The following ENTREP2 variants were observed in gnomAD, a reference collection of about 807,000 sequenced individuals.
ENTREP2 encodes protein ENTREP2.
At chr15:29,132,746 G>C in the ENTREP2 span, among the ~76,000 whole-genome samples, 7 of 152,218 alleles carry the variant, frequency 4.6e-5, no homozygotes, top group Non-Finnish European at 1.0e-4. Flanking sequence ...TGTGAGGTCA[G>C]ACATTGAATG....
At chr15:29,381,856 G>A in the ENTREP2 span, 3,065 of 1,550,694 alleles carry the variant, frequency 2.0e-3, 52 homozygotes, top group African/African-American at 0.038. Context: ...GATACAGGAA[G>A]GTGAGATGCT....
the ENTREP2 span, among the ~76,000 whole-genome samples, chr15:29,474,822 G>T: frequency 6.6e-6 from 1 of 152,146 alleles, no homozygotes; most frequent in Admixed American, 6.5e-5. Context: ...CTCCCGAAGT[G>T]CTGGGATTAC....
At chr15:29,221,664 T>C in the ENTREP2 span, among the ~76,000 whole-genome samples, 3 of 142,726 alleles carry the variant, frequency 2.1e-5, no homozygotes, top group Non-Finnish European at 4.9e-5. Context: ...TCTGAGGCTC[T>C]TCTGTTAATA....
At chr15:29,504,927 G>A in the ENTREP2 span, among the ~76,000 whole-genome samples, 7,275 of 152,282 alleles carry the variant, frequency 0.048, 546 homozygotes, top group African/African-American at 0.16. Context: ...AAGCAGGTCT[G>A]TTCTCATAAG....
chr15:29,474,854 G>A, the ENTREP2 span, among the ~76,000 whole-genome samples: 1 of 152,124 alleles, frequency 6.6e-6, no homozygotes, highest in South Asian at 2.1e-4. Flanking sequence ...ACCGCACCCG[G>A]CCAAGGTCAT....
At chr15:29,235,507 G>T in the ENTREP2 span, among the ~76,000 whole-genome samples, 1 of 151,202 alleles carries the variant, frequency 6.6e-6, no homozygotes, top group South Asian at 2.1e-4. Context: ...CAAAGAGAAA[G>T]CCTCAAAGAA....
the ENTREP2 span, among the ~76,000 whole-genome samples, chr15:29,446,269 G>A: frequency 1.6e-4 from 25 of 152,118 alleles, no homozygotes; most frequent in African/African-American, 2.9e-4. Flanking sequence ...AACCCCACAC[G>A]GACTAAGACA....
the ENTREP2 span, among the ~76,000 whole-genome samples, chr15:29,135,011 A>G: frequency 6.6e-6 from 1 of 151,964 alleles, no homozygotes; most frequent in Admixed American, 6.6e-5. The surrounding 1 kb of genome is among the most constrained non-coding windows in gnomAD (Gnocchi z 7.4). Context: ...GGCTGCTGAG[A>G]AGCCCAAAGC....
the ENTREP2 span, among the ~76,000 whole-genome samples, chr15:29,236,190 C>A: frequency 6.6e-6 from 1 of 152,090 alleles, no homozygotes; most frequent in Non-Finnish European, 1.5e-5. Context: ...AATATAACTA[C>A]AGACCCTGCA....
At chr15:29,339,205 C>T in the ENTREP2 span, among the ~76,000 whole-genome samples, 1 of 152,256 alleles carries the variant, frequency 6.6e-6, no homozygotes, top group Non-Finnish European at 1.5e-5. Context: ...CCCACCCCTC[C>T]ATTCGGCTTT....
the ENTREP2 span, among the ~76,000 whole-genome samples, chr15:29,572,625 AAC>A: frequency 3.3e-5 from 5 of 152,090 alleles, no homozygotes; most frequent in South Asian, 2.1e-4. Flanking sequence ...TTCAGAGAGA[AAC>A]ACACAATAGC....
the ENTREP2 span, among the ~76,000 whole-genome samples, chr15:29,659,915 C>T: frequency 1.2e-3 from 178 of 152,130 alleles, 4 homozygotes; most frequent in East Asian, 0.018. Flanking sequence ...TCTTGTGCCT[C>T]GGCCTCCCGA....
At chr15:29,131,698 T>C in the ENTREP2 span, among the ~76,000 whole-genome samples, 1 of 28,910 alleles carries the variant, frequency 3.5e-5, no homozygotes, top group African/African-American at 1.5e-4. Flanking sequence ...TGCAGAAGCC[T>C]CAAAGGAGTT....
At chr15:29,608,617 C>A in the ENTREP2 span, among the ~76,000 whole-genome samples, 1 of 151,120 alleles carries the variant, frequency 6.6e-6, no homozygotes, top group Non-Finnish European at 1.5e-5. Context: ...TGCAGTGGCG[C>A]CATCTCGGCT....
At chr15:29,331,281 G>A in the ENTREP2 span, among the ~76,000 whole-genome samples, 12 of 152,174 alleles carry the variant, frequency 7.9e-5, no homozygotes, top group African/African-American at 1.9e-4. Flanking sequence ...CAGCAGGCCC[G>A]CCGGGAGGAG....
At chr15:29,526,780 C>T in the ENTREP2 span, among the ~76,000 whole-genome samples, 1 of 151,984 alleles carries the variant, frequency 6.6e-6, no homozygotes, top group Non-Finnish European at 1.5e-5. Context: ...TGGAAAGGAT[C>T]ATGTTTGCCC....
chr15:29,674,577 AC>A, the ENTREP2 span, among the ~76,000 whole-genome samples: 1 of 151,918 alleles, frequency 6.6e-6, no homozygotes, highest in Non-Finnish European at 1.5e-5. Context: ...TTGAGCACAG[AC>A]TTTTAATCAG....
chr15:29,562,964 G>T, the ENTREP2 span, among the ~76,000 whole-genome samples: 2 of 151,938 alleles, frequency 1.3e-5, no homozygotes, highest in Admixed American at 1.3e-4. Context: ...CTAATTTTTT[G>T]TATTTTCAGT....
At chr15:29,556,336 T>G in the ENTREP2 span, among the ~76,000 whole-genome samples, 508 of 152,230 alleles carry the variant, frequency 3.3e-3, 5 homozygotes, top group African/African-American at 0.012. Flanking sequence ...TAAGCCACAG[T>G]GCAGTACGGT....
Sources: gnomAD v4.1 joint callset for allele counts (sites outside exome capture counted in the v4.1 genomes callset) on GRCh38, gnomAD v4.1.1 for gene constraint, Gnocchi (gnomAD v3.1) non-coding constraint, MANE v1.5 for transcripts, NCBI Gene and HGNC (gene_info 2026-07-23, HGNC 2026-07-21) for gene names.